The following FLRT1 variants were observed in gnomAD, a reference collection of about 807,000 sequenced individuals.
FLRT1 encodes the protein leucine-rich repeat transmembrane protein FLRT1.
Under a neutral mutation model 30.9 loss-of-function variants are expected in FLRT1, and 14 were observed. The ratio of observed to expected loss-of-function variants is 0.45; its 90% confidence interval spans 0.30 to 0.71. The LOEUF (loss-of-function observed/expected upper bound fraction) is 0.71, where lower values mean the gene tolerates loss of function less well. FLRT1 is among the 30% of genes least tolerant of loss of function. The pLI is 0.08. For synonymous variants in FLRT1, 368 were observed against 430.4 expected (o/e 0.85, Z 1.80); for missense variants, 737 against 949.2 (o/e 0.78, Z 2.94).
In FLRT1 at chr11:64,117,002, C is replaced by T. The variant is rs3751121; in HGVS notation, c.735C>T (p.Ser245=). Residue 245 remains serine (S), a synonymous_variant, in exon 3 of 3, where the codon AGC becomes AGT. Coordinates refer to ENST00000682287, the MANE Select transcript of FLRT1 (RefSeq NM_013280.5). ...ANQRIADDTF[S]RLQNLTELSL... ...AGCGCATCGCCGACGACACCTTCAG[C>T]CGCCTACAGAACCTCACAGAGCTCT... 0.031 allele frequency: 50,339 copies of T among 1,612,298 alleles called. 6,074 individuals carry two copies. The East Asian group carries it at 0.46, about 15-fold the overall frequency.
chr11:64,080,622 T>C (rs1483592208), intron 1 of FLRT1, among the ~76,000 whole-genome samples: 2 of 152,150 alleles, frequency 1.3e-5, no homozygotes, highest in African/African-American at 4.8e-5. Flanking sequence ...GAGGGTTACG[T>C]TTATGATACA....
At chr11:64,069,183 G>C (rs1008965560) in intron 1 of FLRT1, among the ~76,000 whole-genome samples, 4 of 152,230 alleles carry the variant, frequency 2.6e-5, no homozygotes, top group African/African-American at 9.7e-5. Context: ...GCGGGGAGCA[G>C]AGCAGGAGGG....
chr11:64,063,138 G>A (rs1943936005), intron 1 of FLRT1, among the ~76,000 whole-genome samples: 1 of 152,170 alleles, frequency 6.6e-6, no homozygotes. Flanking sequence ...GCCACCCTAT[G>A]GTGATCAAAG....
At position 64,107,739 on chromosome 11, in the gene FLRT1, C is replaced by A. The variant is rs542936414; in HGVS notation, c.-50+3558C>A. On this transcript the variant is annotated intron_variant, in intron 2 of 2. Transcript: ENST00000682287. ...GTGGCTGGCTGGCACCCTGCCCTGGCGGGAGCTGGGGTTAGAAGGTCCTTG... is the reference window on the plus strand; with the variant it reads ...GTGGCTGGCTGGCACCCTGCCCTGGAGGGAGCTGGGGTTAGAAGGTCCTTG... Among the ~76,000 whole-genome samples the A allele has an allele frequency of 2.6e-5, 4 of 152,278 alleles. No homozygotes were observed. In the South Asian group the frequency reaches 8.3e-4, roughly 32 times the overall value.
intron 1 of FLRT1, among the ~76,000 whole-genome samples, chr11:64,047,029 C>T (rs1440890164): frequency 1.3e-5 from 2 of 152,208 alleles, no homozygotes; most frequent in South Asian, 2.1e-4. Flanking sequence ...GATGCACCAG[C>T]CTCGCCCCAG....
Position 64,082,730 on chromosome 11 carries a change from C to T in FLRT1, c.-1037-20464C>T, listed in dbSNP as rs377213825. 1.3e-5 allele frequency among the ~76,000 whole-genome samples: 2 copies of T among 152,266 alleles called. No individual in the cohort carries two copies. Among genetic ancestry groups the T allele is most frequent in the East Asian group, 3.9e-4 (2 of 5,174 alleles). On this transcript the variant is annotated intron_variant, in intron 1 of 2. Coordinates refer to ENST00000682287, the MANE Select transcript of FLRT1 (RefSeq NM_013280.5). This position sits in a 1 kb window ranked among gnomAD's most constrained non-coding sequence, Gnocchi z 4.5. ...CACACAAGGAATGTGGAGCATCCTCCTGAGAGGACTCAGAGGGGATTCCTG... is the reference window on the plus strand; with the variant it reads ...CACACAAGGAATGTGGAGCATCCTCTTGAGAGGACTCAGAGGGGATTCCTG...
chr11:64,096,226 G>A lies in FLRT1; in HGVS notation c.-1037-6968G>A, dbSNP rs1329453039. Among the ~76,000 whole-genome samples, 1 of 152,218 alleles carries A rather than the reference G, an allele frequency of 6.6e-6. No individual in the cohort carries two copies. Among genetic ancestry groups the A allele is most frequent in the African/African-American group, 2.4e-5 (1 of 41,454 alleles). The stretch of plus-strand genomic sequence containing the variant: ...CACTGTGACGGGCAGGCAGGGGGTC[G>A]AACAGCCACTGTTCTGCCGACAAAA... On this transcript the variant is annotated intron_variant, in intron 1 of 2. Coordinates refer to ENST00000682287, the MANE Select transcript of FLRT1 (RefSeq NM_013280.5). This position sits in a 1 kb window ranked among gnomAD's most constrained non-coding sequence, Gnocchi z 4.6.
intron 1 of FLRT1, among the ~76,000 whole-genome samples, chr11:64,080,709 G>A (rs759443621): frequency 4.6e-5 from 7 of 152,160 alleles, no homozygotes; most frequent in East Asian, 1.9e-4. Flanking sequence ...ACCCAGGACC[G>A]GGGAAGGAGG....
At chr11:64,110,173 G>A (rs1944835444) in intron 2 of FLRT1, among the ~76,000 whole-genome samples, 2 of 152,244 alleles carry the variant, frequency 1.3e-5, no homozygotes, top group South Asian at 2.1e-4. Context: ...CCTGAGGCCC[G>A]GCGTGGTGGC....
chr11:64,040,568 C>T (rs370981970), intron 1 of FLRT1, among the ~76,000 whole-genome samples: 8 of 152,240 alleles, frequency 5.3e-5, no homozygotes, highest in Non-Finnish European at 8.8e-5. Flanking sequence ...TTCCTAGGCC[C>T]GGGATGCCAG....
At chr11:64,110,169 G>C (rs1328427611) in intron 2 of FLRT1, among the ~76,000 whole-genome samples, 1 of 152,132 alleles carries the variant, frequency 6.6e-6, no homozygotes, top group African/African-American at 2.4e-5. Context: ...ACAGCCTGAG[G>C]CCCGGCGTGG....
At chr11:64,051,779 G>A (rs1259103275) in intron 1 of FLRT1, among the ~76,000 whole-genome samples, 1 of 152,110 alleles carries the variant, frequency 6.6e-6, no homozygotes, top group Admixed American at 6.5e-5. Context: ...ACTTCTGAGG[G>A]TGCCCATTGC....
At chr11:64,056,147 C>T (rs562664) in intron 1 of FLRT1, among the ~76,000 whole-genome samples, 22,413 of 152,172 alleles carry the variant, frequency 0.15, 1,990 homozygotes, top group Non-Finnish European at 0.2. Context: ...TTGGGACCCC[C>T]GCCCACTTTG....
chr11:64,090,599 C>T lies in FLRT1; in HGVS notation c.-1037-12595C>T, dbSNP rs536899005. On this transcript the variant is annotated intron_variant, in intron 1 of 2. Coordinates refer to ENST00000682287, the MANE Select transcript of FLRT1 (RefSeq NM_013280.5). This position sits in a 1 kb window ranked among gnomAD's most constrained non-coding sequence, Gnocchi z 4.7. ...TGAGGCAGGAAGTGGAGGCTGTGGC[C>T]AGCCATCGCCGCAGGAGGGGTCCCA... is the stretch of plus-strand genomic sequence containing the variant. 9.2e-5 allele frequency among the ~76,000 whole-genome samples: 14 copies of T among 152,312 alleles called. No individual in the cohort carries two copies. The highest frequency in any genetic ancestry group is 3.4e-4 in the African/African-American group (14 of 41,570).
In FLRT1 at chr11:64,117,795, A is replaced by T; in HGVS notation, c.1528A>T (p.Met510Leu). 6.2e-7 allele frequency: 1 copy of T among 1,614,166 alleles called. No individual in the cohort carries two copies. The highest frequency in any genetic ancestry group is 8.5e-7 in the Non-Finnish European group (1 of 1,180,048). The change falls in exon 3 of 3, where the codon ATG becomes TTG. Residue 510 changes from methionine to leucine, a missense_variant. By Grantham distance (15) the Met-to-Leu change is conservative. Transcript: ENST00000682287. ...CACCTACATCATCTGCATGGTCACC[A>T]TGGAGACCAGCAATGCCTACGTAGC... Reference protein sequence around the residue: ...KSTYIICMVTMETSNAYVADE... With the variant: ...KSTYIICMVTLETSNAYVADE...
intron 1 of FLRT1, among the ~76,000 whole-genome samples, chr11:64,095,800 A>G (rs1222333401): frequency 4.6e-5 from 7 of 152,166 alleles, no homozygotes. Flanking sequence ...GGGCTCCTGA[A>G]ATAGGCCAAG....
chr11:64,116,544 A>G lies in FLRT1; in HGVS notation c.277A>G (p.Ile93Val). Residue 93 changes from isoleucine to valine, a missense_variant, in exon 3 of 3, where the codon ATC becomes GTC. By Grantham distance (29) the Ile-to-Val change is conservative. Coordinates refer to ENST00000682287, the MANE Select transcript of FLRT1 (RefSeq NM_013280.5). ...CACCCTCTACCTGCAGAACAACCAG[A>G]TCAACAACGCCGGCATCCCCCAGGA... ...ATTLYLQNNQINNAGIPQDLK... is the reference protein window; with the variant it reads ...ATTLYLQNNQVNNAGIPQDLK... 1 of 1,613,970 alleles carries G rather than the reference A, an allele frequency of 6.2e-7. No individual in the cohort carries two copies. The highest frequency in any genetic ancestry group is 8.5e-7 in the Non-Finnish European group (1 of 1,179,954).
chr11:64,095,054 A>G (rs1212788379), intron 1 of FLRT1, among the ~76,000 whole-genome samples: 2 of 152,138 alleles, frequency 1.3e-5, no homozygotes, highest in East Asian at 3.9e-4. Flanking sequence ...TTCTCTCCTT[A>G]AGGCAGGCTC....
chr11:64,052,474 AG>A (rs1160263244), intron 1 of FLRT1, among the ~76,000 whole-genome samples: 1 of 152,162 alleles, frequency 6.6e-6, no homozygotes, highest in Non-Finnish European at 1.5e-5. Flanking sequence ...GCCTGGGCCA[AG>A]CTTGTGGGAA....
Sources: allele counts gnomAD v4.1 joint callset (sites outside exome capture counted in the v4.1 genomes callset), GRCh38; gene constraint gnomAD v4.1.1; non-coding constraint Gnocchi (gnomAD v3.1); transcripts MANE v1.5; gene names NCBI Gene and HGNC (gene_info 2026-07-23, HGNC 2026-07-21).